Variants in PPM1B observed in about 807,000 individuals in gnomAD.
PPM1B encodes protein phosphatase, Mg2+/Mn2+ dependent 1B.
Under a neutral mutation model 43.0 loss-of-function variants are expected in PPM1B, and 22 were observed. The observed-to-expected ratio is 0.51, with a 90% CI of 0.37 to 0.73. The LOEUF is 0.73. PPM1B is among the 30% of genes least tolerant of loss of function. The pLI is 0.00. For synonymous variants in PPM1B, 217 were observed against 197.9 expected, an observed-to-expected ratio of 1.10 and a Z score of -0.81; for missense variants, 632 against 584.2, an observed-to-expected ratio of 1.08 and a Z score of -0.84.
downstream of PPM1B, among the ~76,000 whole-genome samples, chr2:44,231,721 G>A (rs766806543): frequency 1.3e-5 from 2 of 152,022 alleles, no homozygotes; most frequent in African/African-American, 2.4e-5. Context: ...GCACACATTA[G>A]ACATGTGAGA....
intron 2 of PPM1B, among the ~76,000 whole-genome samples, chr2:44,207,099 C>T (rs1382965902): frequency 6.6e-6 from 1 of 152,150 alleles, no homozygotes; most frequent in Non-Finnish European, 1.5e-5. Context: ...TGTTCCAAAG[C>T]ACAACAATCT....
intron 1 of PPM1B, among the ~76,000 whole-genome samples, chr2:44,195,067 A>G (rs1461376087): frequency 6.6e-6 from 1 of 151,240 alleles, no homozygotes; most frequent in East Asian, 2.0e-4. Flanking sequence ...TAATTTTTGT[A>G]TTTTTAGTAG....
rs543739066 is a variant in PPM1B at position 44,229,183 on chromosome 2, A to C, written c.1135-1230A>C. 2.8e-3 allele frequency among the ~76,000 whole-genome samples: 388 copies of C among 140,298 alleles called. 1 individual carries two copies. Among genetic ancestry groups the C allele is most frequent in the African/African-American group, 9.4e-3 (343 of 36,386 alleles). 92.0% of individuals were successfully genotyped at this position (140,298 alleles called of 152,430 possible). On this transcript the variant is annotated intron_variant, in intron 5 of 5. Transcript: ENST00000282412. ...GGCAACAAGAGTGAAACTCCATCCCAAAAAAAAAAAAAGAACGAAGACATT... is the reference window on the plus strand; with the variant it reads ...GGCAACAAGAGTGAAACTCCATCCCCAAAAAAAAAAAAGAACGAAGACATT...
intron 1 of PPM1B, among the ~76,000 whole-genome samples, chr2:44,186,185 T>C (rs900664425): frequency 3.9e-5 from 6 of 152,222 alleles, no homozygotes; most frequent in African/African-American, 1.2e-4. Context: ...ATTACTACTA[T>C]CATTTATTTT....
intron 5 of PPM1B, among the ~76,000 whole-genome samples, chr2:44,227,093 C>T (rs758620971): frequency 2.0e-5 from 3 of 152,022 alleles, no homozygotes; most frequent in Non-Finnish European, 2.9e-5. Flanking sequence ...CCCACCTTAG[C>T]TTCCCAAGTA....
rs1558411764 is a variant in PPM1B at position 44,205,332 on chromosome 2, A to AGTGGCT, written c.846+3291_846+3292insCTGTGG. Among the ~76,000 whole-genome samples the AGTGGCT allele has an allele frequency of 9.6e-3, 1,350 of 141,138 alleles. 19 individuals are homozygous for AGTGGCT. Among genetic ancestry groups the AGTGGCT allele is most frequent in the African/African-American group, 0.033 (1,185 of 36,418 alleles). The allele number at this position is 141,138 out of a possible 152,430, so 92.6% of individuals were successfully genotyped here. On this transcript the variant is annotated intron_variant, in intron 2 of 5. Transcript: ENST00000282412. ...AGAAGGGCCTGATAAAATAAAGAAG[A>AGTGGCT]GTGGGTGTGGGTGTGGGTGTGGGTG...
intron 1 of PPM1B, among the ~76,000 whole-genome samples, chr2:44,183,702 C>T (rs1315294389): frequency 6.6e-6 from 1 of 152,016 alleles, no homozygotes; most frequent in East Asian, 1.9e-4. Flanking sequence ...TGAGATTTGG[C>T]TTTGGAATTG....
At chr2:44,211,149 T>G (rs1669447342) in intron 3 of PPM1B, among the ~76,000 whole-genome samples, 1 of 152,022 alleles carries the variant, frequency 6.6e-6, no homozygotes, top group Non-Finnish European at 1.5e-5. Context: ...AAAAAAAAAT[T>G]AAGAAATTAA....
At chr2:44,176,499 C>T (rs993346221) in intron 1 of PPM1B, among the ~76,000 whole-genome samples, 11 of 152,126 alleles carry the variant, frequency 7.2e-5, no homozygotes, top group African/African-American at 2.7e-4. Flanking sequence ...GCTTCTCCTT[C>T]CATAGCTTTG....
chr2:44,176,359 A>G (rs2104000200), intron 1 of PPM1B, among the ~76,000 whole-genome samples: 1 of 152,296 alleles, frequency 6.6e-6, no homozygotes, highest in Middle Eastern at 3.4e-3. Flanking sequence ...TAGCTGAAGG[A>G]TTAGTGGTTG....
At chr2:44,200,483 C>A (rs1217000100) in intron 1 of PPM1B, among the ~76,000 whole-genome samples, 1 of 152,132 alleles carries the variant, frequency 6.6e-6, no homozygotes, top group Non-Finnish European at 1.5e-5. Context: ...ATTTTAAGTT[C>A]AGCAAAGTGA....
intron 3 of PPM1B, among the ~76,000 whole-genome samples, chr2:44,210,251 C>G (rs991057948): frequency 7.1e-6 from 1 of 140,288 alleles, no homozygotes; most frequent in Non-Finnish European, 1.5e-5. Context: ...GGGTCTTGCT[C>G]TGTTGCCTAG....
intron 1 of PPM1B, among the ~76,000 whole-genome samples, chr2:44,187,918 CT>C (rs1298243257): frequency 6.6e-6 from 1 of 151,926 alleles, no homozygotes; most frequent in Admixed American, 6.6e-5. Flanking sequence ...GCCCGGCTAA[CT>C]TTTTGTATTT....
chr2:44,204,726 G>T (rs748347549), intron 2 of PPM1B, among the ~76,000 whole-genome samples: 24 of 151,800 alleles, frequency 1.6e-4, no homozygotes, highest in Non-Finnish European at 5.9e-5. Flanking sequence ...GGGCGTTGTG[G>T]TGGGCGCTTG....
At chr2:44,171,747 T>G (rs1054890995) in intron 1 of PPM1B, among the ~76,000 whole-genome samples, 1 of 151,048 alleles carries the variant, frequency 6.6e-6, no homozygotes, top group Non-Finnish European at 1.5e-5. Flanking sequence ...GGAGAATCAC[T>G]TGGACTCACG....
intron 5 of PPM1B, among the ~76,000 whole-genome samples, chr2:44,224,859 T>A (rs750010002): frequency 6.6e-6 from 1 of 152,198 alleles, no homozygotes. Context: ...TAAGGAAATA[T>A]AAACTTCAAT....
intron 1 of PPM1B, among the ~76,000 whole-genome samples, chr2:44,176,961 G>A (rs532105629): frequency 2.6e-5 from 4 of 152,170 alleles, no homozygotes; most frequent in African/African-American, 7.2e-5. Context: ...TGTATTTTTC[G>A]TAGAGACGGG....
At chr2:44,188,832 C>T (rs1294550962) in intron 1 of PPM1B, among the ~76,000 whole-genome samples, 15 of 150,462 alleles carry the variant, frequency 1.0e-4, no homozygotes, top group African/African-American at 3.4e-4. Flanking sequence ...TACCTCCTCC[C>T]CCTCCCGCTC....
At chr2:44,239,359 A>C (rs1670697374), downstream of PPM1B, among the ~76,000 whole-genome samples, 1 of 151,930 alleles carries the variant, frequency 6.6e-6, no homozygotes, top group African/African-American at 2.4e-5. Flanking sequence ...GTCTTTTTCT[A>C]ATTGATTTGT....
Sources: allele counts gnomAD v4.1 joint callset (sites outside exome capture counted in the v4.1 genomes callset), GRCh38; gene constraint gnomAD v4.1.1; transcripts MANE v1.5; gene names NCBI Gene and HGNC (gene_info 2026-07-23, HGNC 2026-07-21).